Variants in ZNF681 observed in about 807,000 individuals in gnomAD.
The protein encoded by ZNF681 is zinc finger protein 681.
A neutral mutation model predicts 56.0 loss-of-function variants in ZNF681; 37 were observed. The ratio of observed to expected loss-of-function variants is 0.66; its 90% CI spans 0.51 to 0.87. The LOEUF (loss-of-function observed/expected upper bound fraction) is 0.87, where lower values mean the gene tolerates loss of function less well. Among genes scored for constraint, ZNF681 ranks in the 40% least tolerant of loss-of-function variants. ZNF681 has a pLI of 0.00. For synonymous variants in ZNF681, 225 were observed against 248.6 expected (o/e 0.91, Z 0.89); for missense variants, 741 against 744.9 (o/e 0.99, Z 0.06).
intron 3 of ZNF681, among the ~76,000 whole-genome samples, chr19:23,746,192 T>G (rs1399172078): frequency 2.6e-5 from 4 of 151,878 alleles, no homozygotes; most frequent in Non-Finnish European, 5.9e-5. Flanking sequence ...TGCATGCCTG[T>G]AATCCCAGCT....
intron 3 of ZNF681, among the ~76,000 whole-genome samples, chr19:23,753,420 T>A (rs1599459354): frequency 6.6e-6 from 1 of 152,420 alleles, no homozygotes; most frequent in South Asian, 2.1e-4. Flanking sequence ...TTATTTACAA[T>A]AGCATTAAAA....
rs376089729 is a variant in ZNF681 at position 23,745,289 on chromosome 19, T to A, written c.261A>T (p.Pro87=). 9.5e-6 allele frequency: 15 copies of A among 1,573,052 alleles called. No homozygotes were observed. The African/African-American group carries it at 1.9e-4, about 20-fold the overall frequency. ...GGAAAGAATCTTTTATGTTCTGCTC[T>A]GGTGAAAAGTCTTGGGCAAAATGAG... ...ICSHFAQDFS[P]EQNIKDSFQK... The change falls in exon 4 of 4, where the codon CCA becomes CCT. Residue 87 remains proline (P), a synonymous_variant. Transcript: ENST00000402377.
intron 1 of ZNF681, among the ~76,000 whole-genome samples, chr19:23,757,401 T>A (rs1056013746): frequency 5.3e-5 from 8 of 152,052 alleles, no homozygotes; most frequent in African/African-American, 1.9e-4. Context: ...TTTTAAAAAG[T>A]ATACACAATA....
chr19:23,755,623 G>A, intron 1 of ZNF681, 72 bp from the exon 2 acceptor site: 1 of 1,369,286 alleles, frequency 7.3e-7, no homozygotes, highest in Non-Finnish European at 9.5e-7. Context: ...AGTGGCCATG[G>A]AAAGAATTTA....
chr19:23,739,421 G>A lies in ZNF681; in HGVS notation c.*4191C>T, dbSNP rs1968851761. 6.6e-6 allele frequency: 1 copy of A among 152,130 alleles called. No individual in the cohort carries two copies. Among genetic ancestry groups the A allele is most frequent in the Non-Finnish European group, 1.5e-5 (1 of 68,034 alleles). The allele number at this position is 152,130 out of a possible 1,614,324, so 9.4% of individuals were successfully genotyped here. On this transcript the variant is annotated 3_prime_UTR_variant, in exon 4 of 4. Transcript: ENST00000402377. ...TTCAAAAAAGCTTTTGTACTGCATGGTGCCTATAGTTCATAACAATGTATT... is the reference window on the plus strand; with the variant it reads ...TTCAAAAAAGCTTTTGTACTGCATGATGCCTATAGTTCATAACAATGTATT...
chr19:23,748,471 G>A (rs1311286316), intron 3 of ZNF681, among the ~76,000 whole-genome samples: 1 of 152,146 alleles, frequency 6.6e-6, no homozygotes, highest in African/African-American at 2.4e-5. Flanking sequence ...GTGCAAGCCT[G>A]CACTAAGTAA....
In ZNF681 at chr19:23,754,832, C is replaced by T. The variant is rs1037392108; in HGVS notation, c.217G>A (p.Glu73Lys). The stretch of plus-strand genomic sequence containing the variant: ...TTTCACTCTCACCTACCTGGGGGTT[C>T]GGCCACCATCCTATGTCTCTTTCTA... ...WTRKRHRMVA[E>K]PPVICSHFAQ... The change falls in exon 3 of 4, where the codon GAA becomes AAA. Residue 73 changes from glutamate (E) to lysine (K), a missense_variant. Physicochemically the swap from Glu to Lys is moderately conservative, Grantham distance 56. Transcript: ENST00000402377. 1.7e-5 allele frequency: 28 copies of T among 1,613,752 alleles called. No homozygotes were observed. Among genetic ancestry groups the T allele is most frequent in the Non-Finnish European group, 2.1e-5 (25 of 1,179,878 alleles).
Position 23,754,937 on chromosome 19 carries a change from A to G in ZNF681, c.131-19T>C, listed in dbSNP as rs375552946. 5.0e-6 allele frequency: 8 copies of G among 1,600,154 alleles called. No homozygotes were observed. Among genetic ancestry groups the G allele is most frequent in the Non-Finnish European group, 6.8e-6 (8 of 1,169,710 alleles). Reference sequence around the variant, plus strand: ...ACAATACCTGTTTTATTGAAAGTAAATAACATAAATCTTGCTTATATTGTC... The same window carrying G: ...ACAATACCTGTTTTATTGAAAGTAAGTAACATAAATCTTGCTTATATTGTC... On this transcript the variant is annotated intron_variant, in intron 2 of 3. Transcript: ENST00000402377.
chr19:23,744,519 CCA>C lies in ZNF681; in HGVS notation c.1029_1030del (p.Cys343TrpfsTer5), dbSNP rs767856146. On this transcript the variant is annotated frameshift_variant, in exon 4 of 4. Transcript: ENST00000402377. LOFTEE classifies it high-confidence loss of function. ...GTGTGAGGACTGGTTAAAGGCTTTG[CCA>C]CATTCTTCACATTTGTAGGGTTTCT... 4 of 1,612,996 alleles carry C rather than the reference CCA, an allele frequency of 2.5e-6. No individual in the cohort carries two copies. The South Asian group carries it at 4.4e-5, about 18-fold the overall frequency.
rs1440809140 is a variant in ZNF681, at chr19:23,739,633, C to T, written c.*3979G>A. The T allele has an allele frequency of 6.6e-6, 1 of 152,122 alleles. No individual in the cohort carries two copies. The highest frequency in any genetic ancestry group is 1.5e-5 in the Non-Finnish European group (1 of 68,026). The allele number at this position is 152,122 out of a possible 1,614,324, so 9.4% of individuals were successfully genotyped here. On this transcript the variant is annotated 3_prime_UTR_variant, in exon 4 of 4. Coordinates refer to ENST00000402377, the MANE Select transcript of ZNF681 (RefSeq NM_138286.3). ...GACGGTATGAAAGACACTAAAAGGG[C>T]AGCTGTTTCTTATGGTCTCATGACT... is the stretch of plus-strand genomic sequence containing the variant.
chr19:23,743,376 TTAAG>T lies in ZNF681; in HGVS notation c.*232_*235del. The T allele has an allele frequency of 3.0e-6, 1 of 330,386 alleles. No individual in the cohort carries two copies. The highest frequency in any genetic ancestry group is 5.2e-5 in the East Asian group (1 of 19,092). 20.5% of individuals were successfully genotyped at this position (330,386 alleles called of 1,614,324 possible). The stretch of plus-strand genomic sequence containing the variant: ...AGTAATTGCATGTATAATGCTTTTA[TTAAG>T]TATGAAATCTCTGATGTTGAGTAAG... On this transcript the variant is annotated 3_prime_UTR_variant, in exon 4 of 4. Coordinates refer to ENST00000402377, the MANE Select transcript of ZNF681 (RefSeq NM_138286.3).
At chr19:23,752,018 T>C (rs1283594820) in intron 3 of ZNF681, among the ~76,000 whole-genome samples, 1 of 152,166 alleles carries the variant, frequency 6.6e-6, no homozygotes, top group Non-Finnish European at 1.5e-5. Flanking sequence ...GGCCAGGATT[T>C]CAAAACCAGC....
At chr19:23,751,573 T>C (rs1969032361) in intron 3 of ZNF681, among the ~76,000 whole-genome samples, 1 of 152,112 alleles carries the variant, frequency 6.6e-6, no homozygotes, top group South Asian at 2.1e-4. Flanking sequence ...ATAACTGGCA[T>C]GTGCTCCATG....
At chr19:23,746,846 G>A (rs900658301) in intron 3 of ZNF681, among the ~76,000 whole-genome samples, 7 of 152,226 alleles carry the variant, frequency 4.6e-5, no homozygotes, top group Non-Finnish European at 7.3e-5. Context: ...AATACCAGGT[G>A]GGTGCTGTGG....
chr19:23,745,429 G>T, intron 3 of ZNF681, 106 bp from the exon 4 acceptor site: 4 of 848,650 alleles, frequency 4.7e-6, no homozygotes, highest in Non-Finnish European at 6.5e-6. Context: ...AGATGGTATA[G>T]CAAAATACCA....
chr19:23,744,184 C>T lies in ZNF681; in HGVS notation c.1366G>A (p.Gly456Arg). ...TTTGAGAACTGGTTAAAGGCTTTCC[C>T]ACATTCTTCACATTTGTATGGTTTC... ...EEKPYKCEEC[G>R]KAFNQFSNLT... Residue 456 changes from glycine (G) to arginine (R), a missense_variant, in exon 4 of 4, where the codon GGG becomes AGG. Coordinates refer to ENST00000402377, the MANE Select transcript of ZNF681 (RefSeq NM_138286.3). 3.1e-6 allele frequency: 5 copies of T among 1,613,210 alleles called. No individual in the cohort carries two copies. The highest frequency in any genetic ancestry group is 4.2e-6 in the Non-Finnish European group (5 of 1,179,790).
rs191429622 is a variant in ZNF681, at chr19:23,747,214, G to A, written c.227-1891C>T. ...GGAAATTGAGAACACAAGTAAAACT[G>A]GCACATCCAAATATACATGAAAATA... On this transcript the variant is annotated intron_variant, in intron 3 of 3. Transcript: ENST00000402377. 3.0e-4 allele frequency among the ~76,000 whole-genome samples: 46 copies of A among 152,200 alleles called. 1 individual carries two copies. The highest frequency in any genetic ancestry group is 2.1e-3 in the Admixed American group (32 of 15,292).
In ZNF681 at chr19:23,743,590, T is replaced by C; in HGVS notation, c.*22A>G. 6.9e-7 allele frequency: 1 copy of C among 1,455,398 alleles called. No individual in the cohort carries two copies. The highest frequency in any genetic ancestry group is 9.1e-7 in the Non-Finnish European group (1 of 1,104,294). The allele number at this position is 1,455,398 out of a possible 1,614,324, so 90.2% of individuals were successfully genotyped here. A position where few individuals can be genotyped will look rare whatever the true frequency, so the allele number is the denominator to read the frequency against. ...AATCAAGTGTGACAACTTTTAAAGG[T>C]TTTGTTACATTCTTCACATTTCTAA... On this transcript the variant is annotated 3_prime_UTR_variant, in exon 4 of 4. Coordinates refer to ENST00000402377, the MANE Select transcript of ZNF681 (RefSeq NM_138286.3).
At chr19:23,757,448 T>A (rs1322421328) in intron 1 of ZNF681, among the ~76,000 whole-genome samples, 4 of 152,042 alleles carry the variant, frequency 2.6e-5, no homozygotes, top group Admixed American at 2.6e-4. Context: ...GCGGAAAGAA[T>A]TTAATGTATT....
Sources: allele counts gnomAD v4.1 joint callset (sites outside exome capture counted in the v4.1 genomes callset), GRCh38; gene constraint gnomAD v4.1.1; transcripts MANE v1.5; gene names NCBI Gene and HGNC (gene_info 2026-07-23, HGNC 2026-07-21).